TSHZ3: variants seen among roughly 807,000 people sequenced by gnomAD.
The protein encoded by TSHZ3 is teashirt zinc finger homeobox 3.
A neutral mutation model predicts 64.5 loss-of-function variants in TSHZ3; 10 were observed. The ratio of observed to expected loss-of-function variants is 0.16; its 90% CI spans 0.10 to 0.26. The LOEUF is 0.26. Ranked by LOEUF, TSHZ3 falls within the 10% of genes least tolerant of loss-of-function variation. The pLI is 1.00. For synonymous variants in TSHZ3, 608 were observed against 593.1 expected, an observed-to-expected ratio of 1.03 and a Z score of -0.36; for missense variants, 1,242 against 1,421.7, an observed-to-expected ratio of 0.87 and a Z score of 2.03.
intron 5 of TSHZ3, among the ~76,000 whole-genome samples, chr19:31,197,376 T>G (rs1033545078): frequency 6.6e-6 from 1 of 150,848 alleles, no homozygotes; most frequent in Non-Finnish European, 1.5e-5. Context: ...GAACCAAAAT[T>G]AATCATCTAG....
At position 31,269,714 on chromosome 19, in the gene TSHZ3, T is replaced by A. The variant is rs1976107299; in HGVS notation, n.64-26839A>T. Reference sequence around the variant, plus strand: ...GTGGAAGAAAAAAATGAAAGTGAAATGTTGAAATGCAGTAATTTAAAAACT... The same window carrying A: ...GTGGAAGAAAAAAATGAAAGTGAAAAGTTGAAATGCAGTAATTTAAAAACT... On this transcript the variant is annotated intron_variant and non_coding_transcript_variant, in intron 1 of 6. Coordinates refer to the TSHZ3 transcript ENST00000651361. Among the ~76,000 whole-genome samples, 3 of 152,256 alleles carry A rather than the reference T, an allele frequency of 2.0e-5. No individual in the cohort carries two copies. The South Asian group carries it at 6.2e-4, about 32-fold the overall frequency.
intron 4 of TSHZ3, among the ~76,000 whole-genome samples, chr19:31,226,835 G>A (rs1975469446): frequency 6.6e-6 from 1 of 151,886 alleles, no homozygotes; most frequent in Non-Finnish European, 1.5e-5. Context: ...AAATTTTAAG[G>A]TCACATATAT....
At chr19:31,301,264 C>T (rs897262270) in intron 1 of TSHZ3, among the ~76,000 whole-genome samples, 1 of 152,030 alleles carries the variant, frequency 6.6e-6, no homozygotes, top group African/African-American at 2.4e-5. Context: ...CCTCTCAGGG[C>T]AGATGACAGG....
Position 31,257,683 on chromosome 19 carries a change from T to C in TSHZ3, n.64-14808A>G, listed in dbSNP as rs73927324. ...CAGATTGGCCGGCTGCACGGGACTA[T>C]GCTGCAGTCTCAGACCCTCCTGGGG... On this transcript the variant is annotated intron_variant and non_coding_transcript_variant, in intron 1 of 6. Coordinates refer to the TSHZ3 transcript ENST00000651361. Among the ~76,000 whole-genome samples the C allele has an allele frequency of 1.4e-3, 216 of 152,078 alleles. 3 individuals carry two copies. Among genetic ancestry groups the C allele is most frequent in the Middle Eastern group, 0.01 (3 of 292 alleles).
intron 1 of TSHZ3, among the ~76,000 whole-genome samples, chr19:31,293,562 C>G (rs914824979): frequency 6.6e-6 from 1 of 152,156 alleles, no homozygotes. Context: ...ATTCCATGTC[C>G]CCCAGGAAGT....
intron 1 of TSHZ3, among the ~76,000 whole-genome samples, chr19:31,337,654 G>A (rs1005604331): frequency 2.0e-5 from 3 of 151,614 alleles, no homozygotes; most frequent in African/African-American, 7.3e-5. Context: ...AACACCAAAA[G>A]TAAATTCTAA....
At chr19:31,254,128 T>C (rs1189127841) in intron 1 of TSHZ3, among the ~76,000 whole-genome samples, 1 of 152,116 alleles carries the variant, frequency 6.6e-6, no homozygotes, top group East Asian at 1.9e-4. Flanking sequence ...CCTGGCAGAT[T>C]TTGAATGGGA....
At chr19:31,251,697 C>T (rs894194321) in intron 1 of TSHZ3, among the ~76,000 whole-genome samples, 6 of 152,200 alleles carry the variant, frequency 3.9e-5, no homozygotes, top group African/African-American at 1.4e-4. Flanking sequence ...ACCAGTCCAT[C>T]TGGTGTTCTC....
intron 1 of TSHZ3, among the ~76,000 whole-genome samples, chr19:31,246,720 G>A (rs1599603148): frequency 6.6e-6 from 1 of 152,144 alleles, no homozygotes; most frequent in Non-Finnish European, 1.5e-5. Flanking sequence ...AACTCCAATA[G>A]CAACGAGCAT....
At chr19:31,274,792 T>C (rs1976197856), downstream of TSHZ3, among the ~76,000 whole-genome samples, 1 of 151,876 alleles carries the variant, frequency 6.6e-6, no homozygotes, top group African/African-American at 2.4e-5. Flanking sequence ...CAAAGTTCAC[T>C]AAAACTCCCC....
chr19:31,226,319 A>T (rs115035529), intron 4 of TSHZ3, among the ~76,000 whole-genome samples: 1 of 152,116 alleles, frequency 6.6e-6, no homozygotes, highest in Non-Finnish European at 1.5e-5. Flanking sequence ...GGAGGGAACC[A>T]GTAGGAGATA....
rs114681375 is a variant in TSHZ3 at position 31,218,927 on chromosome 19, C to T, written n.686+9078G>A. ...GGTCTGAGGTAGTGGGATTGTAATCCGGCAGCATTGCTAATTTTTCTACTA... is the reference window on the plus strand; with the variant it reads ...GGTCTGAGGTAGTGGGATTGTAATCTGGCAGCATTGCTAATTTTTCTACTA... On this transcript the variant is annotated intron_variant and non_coding_transcript_variant, in intron 4 of 6. Coordinates refer to the TSHZ3 transcript ENST00000651361. Among the ~76,000 whole-genome samples the T allele has an allele frequency of 3.4e-3, 516 of 152,182 alleles. 5 individuals carry two copies. The highest frequency in any genetic ancestry group is 0.012 in the African/African-American group (490 of 41,506).
Position 31,307,528 on chromosome 19 carries a change from A to G in TSHZ3, c.41-27776T>C, listed in dbSNP as rs540833239. Among the ~76,000 whole-genome samples, 22 of 152,288 alleles carry G rather than the reference A, an allele frequency of 1.4e-4. No individual in the cohort carries two copies. The East Asian group carries it at 4.1e-3, about 28-fold the overall frequency. On this transcript the variant is annotated intron_variant, in intron 1 of 1. Transcript: ENST00000240587. Reference sequence around the variant, plus strand: ...GGGGCTGGTGTTCCATTAGGACCCCACAAATAAAACCGCGTGATGAATGGC... The same window carrying G: ...GGGGCTGGTGTTCCATTAGGACCCCGCAAATAAAACCGCGTGATGAATGGC...
downstream of TSHZ3, among the ~76,000 whole-genome samples, chr19:31,271,549 C>G (rs1976138565): frequency 6.6e-6 from 1 of 152,208 alleles, no homozygotes; most frequent in African/African-American, 2.4e-5. Flanking sequence ...AGACAGAGCG[C>G]TGAAGCCCTA....
chr19:31,209,955 G>A (rs1474240224), intron 4 of TSHZ3, among the ~76,000 whole-genome samples: 1 of 152,158 alleles, frequency 6.6e-6, no homozygotes, highest in Admixed American at 6.5e-5. Context: ...GGTCAGGTCA[G>A]TGAGCCATGT....
Position 31,296,427 on chromosome 19 carries a change from C to T in TSHZ3, c.41-16675G>A, listed in dbSNP as rs531869748. 1.4e-4 allele frequency among the ~76,000 whole-genome samples: 21 copies of T among 147,938 alleles called. No homozygotes were observed. In the South Asian group the frequency reaches 3.7e-3, roughly 26 times the overall value. ...TCGGCTCACTGCAACCTCTGCCTCC[C>T]GGGTTCAAGCGATTCTCCTGCCTCA... On this transcript the variant is annotated intron_variant, in intron 1 of 1. Coordinates refer to ENST00000240587, the MANE Select transcript of TSHZ3 (RefSeq NM_020856.4).
chr19:31,306,597 A>G (rs564963450), intron 1 of TSHZ3, among the ~76,000 whole-genome samples: 1 of 152,206 alleles, frequency 6.6e-6, no homozygotes, highest in East Asian at 1.9e-4. Flanking sequence ...GTGTGTGTGT[A>G]AAACCAGAAT....
chr19:31,344,742 G>A (rs1917535555), intron 1 of TSHZ3, among the ~76,000 whole-genome samples: 1 of 152,226 alleles, frequency 6.6e-6, no homozygotes. Context: ...GAGGGCGGCG[G>A]TAAAGGAATG....
At chr19:31,282,816 TGCCAAGCAGAA>T (rs1298229502) in intron 1 of TSHZ3, among the ~76,000 whole-genome samples, 1 of 152,106 alleles carries the variant, frequency 6.6e-6, no homozygotes, top group Non-Finnish European at 1.5e-5. Flanking sequence ...AAGGCTCTGG[TGCCAAGCAGAA>T]CTGGGTCCTG....
Sources: gnomAD v4.1 joint callset for allele counts (sites outside exome capture counted in the v4.1 genomes callset) on GRCh38, gnomAD v4.1.1 for gene constraint, MANE v1.5 for transcripts, NCBI Gene and HGNC (gene_info 2026-07-23, HGNC 2026-07-21) for gene names.